CAST: variants seen among roughly 807,000 people sequenced by gnomAD.
CAST encodes the protein MIR583 host.
In CAST, 76 loss-of-function variants were observed where a neutral mutation model predicts 119.6. That is an observed-to-expected ratio of 0.64 (90% CI 0.53 to 0.77). The LOEUF is 0.77. Among genes scored for constraint, CAST ranks in the 30% least tolerant of loss-of-function variants. CAST has a pLI of 0.00. For synonymous variants in CAST, 319 were observed against 331.6 expected (o/e 0.96, Z 0.41); for missense variants, 953 against 946.5 (o/e 1.01, Z -0.09).
At chr5:96,296,614 C>T in the CAST span, among the ~76,000 whole-genome samples, 7 of 152,116 alleles carry the variant, frequency 4.6e-5, no homozygotes, top group Admixed American at 1.3e-4. Flanking sequence ...TGAATCTATA[C>T]AAATTTCATG....
chr5:96,563,967 T>G (rs1178879957), intron 1 of CAST, among the ~76,000 whole-genome samples: 1 of 152,202 alleles, frequency 6.6e-6, no homozygotes, highest in Non-Finnish European at 1.5e-5. Context: ...AGGTGCTGCT[T>G]TAATTTATGA....
At chr5:96,009,181 A>T in the CAST span, among the ~76,000 whole-genome samples, 1 of 152,224 alleles carries the variant, frequency 6.6e-6, no homozygotes, top group Non-Finnish European at 1.5e-5. Context: ...CATGATATAT[A>T]TGTACCACAT....
chr5:96,474,156 A>G, the CAST span, among the ~76,000 whole-genome samples: 1 of 152,210 alleles, frequency 6.6e-6, no homozygotes, highest in Non-Finnish European at 1.5e-5. Context: ...TTTTAAGCAG[A>G]AAATGAGAGT....
chr5:96,049,944 G>T, the CAST span, among the ~76,000 whole-genome samples: 1 of 133,318 alleles, frequency 7.5e-6, no homozygotes, highest in Non-Finnish European at 1.6e-5. Context: ...AGAAGAAGGA[G>T]ATGAGGAAAA....
the CAST span, among the ~76,000 whole-genome samples, chr5:96,189,699 T>C: frequency 3.9e-5 from 6 of 152,334 alleles, no homozygotes; most frequent in South Asian, 1.0e-3. Flanking sequence ...TTCCTTTCCA[T>C]GTTCTGAGAC....
At chr5:96,143,875 TATTTTTAA>T in the CAST span, among the ~76,000 whole-genome samples, 1 of 152,236 alleles carries the variant, frequency 6.6e-6, no homozygotes, top group Non-Finnish European at 1.5e-5. Context: ...ATTGAAATGT[TATTTTTAA>T]ATTTTTATTT....
chr5:96,511,439 A>G, the CAST span, among the ~76,000 whole-genome samples: 1 of 151,364 alleles, frequency 6.6e-6, no homozygotes. Context: ...ACTGCACCCC[A>G]TCCACAAAGA....
the CAST span, among the ~76,000 whole-genome samples, chr5:96,030,452 C>T: frequency 5.2e-4 from 79 of 152,298 alleles, no homozygotes; most frequent in African/African-American, 1.7e-3. Context: ...ACTTGCCTGT[C>T]GGGCAGTAGC....
At position 96,728,992 on chromosome 5, in the gene CAST, T is replaced by G. The variant is rs7704353; in HGVS notation, c.379-161T>G. 1,649 of 585,280 alleles carry G rather than the reference T, an allele frequency of 2.8e-3. 28 individuals carry two copies. In the African/African-American group the frequency reaches 0.029, roughly 10 times the overall value. The allele number at this position is 585,280 out of a possible 1,614,324, so 36.3% of individuals were successfully genotyped here. On this transcript the variant is annotated intron_variant, in intron 6 of 31. Transcript: ENST00000675179. ...GGGTTACTATTGACCTGATACCACA[T>G]GTCTACTTCTGTGATCCTAAAGAGT...
chr5:95,961,958 C>T, the CAST span: 4 of 463,390 alleles, frequency 8.6e-6, no homozygotes, highest in East Asian at 3.5e-5. Context: ...CAGAACCGCC[C>T]TCATCGGCCG....
intron 1 of CAST, among the ~76,000 whole-genome samples, chr5:96,586,764 A>G (rs974549960): frequency 1.3e-5 from 2 of 152,244 alleles, no homozygotes; most frequent in Non-Finnish European, 2.9e-5. Context: ...TTACATACCT[A>G]CCATGAGTTA....
the CAST span, among the ~76,000 whole-genome samples, chr5:96,041,923 T>C: frequency 5.3e-5 from 8 of 152,130 alleles, no homozygotes; most frequent in African/African-American, 1.9e-4. Context: ...GACTCCTCTC[T>C]CTCACCGCAA....
At chr5:96,642,312 A>C (rs1390903171) in intron 1 of CAST, among the ~76,000 whole-genome samples, 2 of 152,182 alleles carry the variant, frequency 1.3e-5, no homozygotes, top group Non-Finnish European at 2.9e-5. Flanking sequence ...TATGTCCTCA[A>C]TAAATATTTG....
upstream of CAST, among the ~76,000 whole-genome samples, chr5:96,524,888 T>G (rs974510379): frequency 6.6e-6 from 1 of 152,230 alleles, no homozygotes; most frequent in South Asian, 2.1e-4. Context: ...CAAGTAGAGC[T>G]CAGGCCTCCT....
the CAST span, among the ~76,000 whole-genome samples, chr5:96,516,372 A>AC: frequency 6.6e-6 from 1 of 152,054 alleles, no homozygotes; most frequent in East Asian, 1.9e-4. Flanking sequence ...TGAAAATAAA[A>AC]AAAAAATGAG....
the CAST span, among the ~76,000 whole-genome samples, chr5:96,054,809 A>C: frequency 6.6e-6 from 1 of 152,134 alleles, no homozygotes; most frequent in Non-Finnish European, 1.5e-5. Flanking sequence ...TTGGAGCTGC[A>C]CTGTGGTGTG....
In CAST at chr5:96,548,995, T is replaced by C. The variant is rs369498486; in HGVS notation, c.60+19115T>C. Among the ~76,000 whole-genome samples the C allele has an allele frequency of 8.5e-4, 129 of 152,264 alleles. 1 individual carries two copies. In the South Asian group the frequency reaches 0.026, roughly 31 times the overall value. On this transcript the variant is annotated intron_variant, in intron 1 of 11. Transcript: ENST00000505143. ...GGGTGACCCACATGCTACTGGCCAC[T>C]GCAAGAAAATTACAAGGAACCAGGA...
chr5:96,465,159 T>G, the CAST span, among the ~76,000 whole-genome samples: 1 of 152,050 alleles, frequency 6.6e-6, no homozygotes, highest in South Asian at 2.1e-4. Context: ...ATTTGATATT[T>G]TATAATAGTG....
chr5:96,610,326 A>G (rs1271020977), intron 1 of CAST, among the ~76,000 whole-genome samples: 1 of 152,226 alleles, frequency 6.6e-6, no homozygotes, highest in Non-Finnish European at 1.5e-5. Flanking sequence ...ACCCCGTCTC[A>G]GGTATGTCTT....
Sources: allele counts gnomAD v4.1 joint callset (sites outside exome capture counted in the v4.1 genomes callset), GRCh38; gene constraint gnomAD v4.1.1; transcripts MANE v1.5; gene names NCBI Gene and HGNC (gene_info 2026-07-23, HGNC 2026-07-21).